GTF2F2: variants seen among roughly 807,000 people sequenced by gnomAD.
GTF2F2 encodes the protein ATP-dependent helicase GTF2F2.
Under a neutral mutation model 42.2 loss-of-function variants are expected in GTF2F2, and 23 were observed. The ratio of observed to expected loss-of-function variants is 0.55; its 90% confidence interval spans 0.39 to 0.77. The LOEUF (loss-of-function observed/expected upper bound fraction) is 0.77. Ranked by LOEUF, GTF2F2 falls within the 30% of genes least tolerant of loss-of-function variation. The probability of loss-of-function intolerance (pLI) is 0.00; values close to 1 mark genes in which losing one functional copy is unlikely to be tolerated. For missense variants in GTF2F2, 261 were observed against 287.2 expected (o/e 0.91, Z 0.66); for synonymous variants, 105 against 100.8 (o/e 1.04, Z -0.25).
At chr13:45,175,522 G>A (rs779154509) in intron 4 of GTF2F2, among the ~76,000 whole-genome samples, 1 of 152,084 alleles carries the variant, frequency 6.6e-6, no homozygotes, top group Non-Finnish European at 1.5e-5. Flanking sequence ...TATGTTTTAT[G>A]TCCTGTAAAA....
chr13:45,234,567 ATATT>A (rs1179570512), intron 5 of GTF2F2, among the ~76,000 whole-genome samples: 2 of 152,216 alleles, frequency 1.3e-5, no homozygotes, highest in Non-Finnish European at 2.9e-5. Flanking sequence ...AATAGCAAAA[ATATT>A]TATTTTATTA....
chr13:45,174,634 C>CTTTT (rs397950608), intron 4 of GTF2F2, among the ~76,000 whole-genome samples: 15 of 81,480 alleles, frequency 1.8e-4, no homozygotes, highest in Non-Finnish European at 2.9e-4. Flanking sequence ...TTTCTTTTTT[C>CTTTT]TTTTTTTTTT....
chr13:45,225,511 C>T (rs922379719), intron 5 of GTF2F2, among the ~76,000 whole-genome samples: 1 of 150,760 alleles, frequency 6.6e-6, no homozygotes, highest in African/African-American at 2.4e-5. Context: ...CCCAGCTACT[C>T]AGAGGCTGAG....
intron 4 of GTF2F2, among the ~76,000 whole-genome samples, chr13:45,181,200 A>AAC (rs1555267023): frequency 0.096 from 12,424 of 129,344 alleles, 804 homozygotes; most frequent in Non-Finnish European, 0.12. Context: ...AAAAAAAAAA[A>AAC]AAACCAGAAA....
At chr13:45,144,439 T>C (rs891288149) in intron 2 of GTF2F2, among the ~76,000 whole-genome samples, 2 of 147,276 alleles carry the variant, frequency 1.4e-5, no homozygotes, top group African/African-American at 5.0e-5. Context: ...TATTTCTAGC[T>C]TTATTTCTTT....
chr13:45,151,687 G>T lies in GTF2F2; in HGVS notation c.160G>T (p.Val54Leu). 1 of 1,593,392 alleles carries T rather than the reference G, an allele frequency of 6.3e-7. No individual in the cohort carries two copies. The highest frequency in any genetic ancestry group is 8.6e-7 in the Non-Finnish European group (1 of 1,162,262). The change falls in exon 4 of 8, where the codon GTG (valine) becomes TTG (leucine). Residue 54 changes from valine (V) to leucine (L), a missense_variant and splice_region_variant. By Grantham distance (32) the Val-to-Leu change is conservative. Coordinates refer to ENST00000340473, the MANE Select transcript of GTF2F2 (RefSeq NM_004128.3). ...AATCTCTGGTTAATGTGTCTATTAG[G>T]TGTCATTTACTTTGAATGAGGATCT... ...RIAKTQGRTE[V>L]SFTLNEDLAN... is the part of the protein sequence containing the mutation.
chr13:45,247,580 G>T (rs896096140), intron 5 of GTF2F2, among the ~76,000 whole-genome samples: 3 of 151,806 alleles, frequency 2.0e-5, no homozygotes, highest in Non-Finnish European at 2.9e-5. Flanking sequence ...TTTCAATAGA[G>T]ACAGGGTTTC....
intron 5 of GTF2F2, among the ~76,000 whole-genome samples, chr13:45,212,514 T>TTCTTTCTCTTTCTC: frequency 1.0e-5 from 1 of 95,248 alleles, no homozygotes; most frequent in Non-Finnish European, 2.4e-5. Flanking sequence ...TTTCTTTTCT[T>TTCTTTCTCTTTCTC]TCTTTCTCTT....
intron 2 of GTF2F2, among the ~76,000 whole-genome samples, chr13:45,143,021 C>A (rs1313777551): frequency 6.6e-6 from 1 of 152,140 alleles, no homozygotes; most frequent in African/African-American, 2.4e-5. Flanking sequence ...ATGTTCAGTT[C>A]TTAGTGCTGC....
intron 4 of GTF2F2, among the ~76,000 whole-genome samples, chr13:45,163,892 G>A (rs1445315342): frequency 2.6e-5 from 4 of 152,130 alleles, no homozygotes; most frequent in African/African-American, 2.4e-5. Flanking sequence ...GGTGGCTCAC[G>A]CCTGTAATCT....
chr13:45,197,606 T>C (rs1872967848), intron 4 of GTF2F2, among the ~76,000 whole-genome samples: 1 of 152,024 alleles, frequency 6.6e-6, no homozygotes, highest in Non-Finnish European at 1.5e-5. Context: ...TCATGGAAAT[T>C]ATAGGAGTTC....
At chr13:45,234,891 CAA>C (rs769477276) in intron 5 of GTF2F2, among the ~76,000 whole-genome samples, 1 of 151,582 alleles carries the variant, frequency 6.6e-6, no homozygotes, top group Non-Finnish European at 1.5e-5. Flanking sequence ...ACTAAAAATA[CAA>C]AGTTAGCCGG....
chr13:45,140,426 A>G (rs1230833710), intron 2 of GTF2F2, among the ~76,000 whole-genome samples: 1 of 152,202 alleles, frequency 6.6e-6, no homozygotes, highest in Non-Finnish European at 1.5e-5. Flanking sequence ...AGCATGTCCT[A>G]GTTCTAACTC....
intron 4 of GTF2F2, among the ~76,000 whole-genome samples, chr13:45,160,373 C>G (rs962919509): frequency 2.6e-5 from 4 of 152,170 alleles, no homozygotes; most frequent in Non-Finnish European, 5.9e-5. Context: ...TCTTTTGCTA[C>G]TACACTAAAA....
chr13:45,205,463 A>G (rs1873375074), intron 4 of GTF2F2, among the ~76,000 whole-genome samples: 1 of 152,232 alleles, frequency 6.6e-6, no homozygotes, highest in African/African-American at 2.4e-5. Flanking sequence ...TAGTTGCAAC[A>G]TTAATAAACG....
At chr13:45,131,721 T>C (rs1263301808) in intron 1 of GTF2F2, among the ~76,000 whole-genome samples, 6 of 151,798 alleles carry the variant, frequency 4.0e-5, no homozygotes, top group African/African-American at 1.5e-4. Context: ...GGCTAGGCAA[T>C]GTGGTGAGAC....
intron 4 of GTF2F2, among the ~76,000 whole-genome samples, chr13:45,191,224 A>AAAAATATATATAT: frequency 4.0e-5 from 3 of 75,312 alleles, no homozygotes; most frequent in African/African-American, 2.0e-4. Flanking sequence ...ACAAAAAAAA[A>AAAAATATATATAT]ATATATATAT....
chr13:45,218,615 C>T (rs1236173320), intron 5 of GTF2F2, among the ~76,000 whole-genome samples: 1 of 152,168 alleles, frequency 6.6e-6, no homozygotes, highest in East Asian at 1.9e-4. Flanking sequence ...ATAAACTTGC[C>T]TGTCCTTGCA....
chr13:45,241,579 C>T (rs533152355), intron 5 of GTF2F2, among the ~76,000 whole-genome samples: 3 of 152,104 alleles, frequency 2.0e-5, no homozygotes, highest in South Asian at 2.1e-4. Flanking sequence ...TAAATAGACA[C>T]GGCTAGTGGC....
Sources: gnomAD v4.1 joint callset for allele counts (sites outside exome capture counted in the v4.1 genomes callset) on GRCh38, gnomAD v4.1.1 for gene constraint, MANE v1.5 for transcripts, NCBI Gene and HGNC (gene_info 2026-07-23, HGNC 2026-07-21) for gene names.